DHX33: variants seen among roughly 807,000 people sequenced by gnomAD.
DHX33 encodes the protein DEAH-box helicase 33.
DHX33 carries 42 observed loss-of-function variants against 72.5 expected under a neutral mutation model. The ratio of observed to expected loss-of-function variants is 0.58; its 90% CI spans 0.45 to 0.75. DHX33 has a LOEUF of 0.75. Among genes scored for constraint, DHX33 ranks in the 30% least tolerant of loss-of-function variants. The probability of loss-of-function intolerance (pLI) is 0.00; values close to 1 mark genes in which losing one functional copy is unlikely to be tolerated. For synonymous variants in DHX33, 358 were observed against 366.1 expected (o/e 0.98, Z 0.25); for missense variants, 842 against 917.5 (o/e 0.92, Z 1.06).
chr17:5,446,022 G>A (rs1221765353), intron 11 of DHX33, among the ~76,000 whole-genome samples: 2 of 152,166 alleles, frequency 1.3e-5, no homozygotes, highest in Non-Finnish European at 2.9e-5. Flanking sequence ...TGCCCAGGCT[G>A]GAGTGCAGTG....
intron 1 of DHX33, among the ~76,000 whole-genome samples, chr17:5,468,288 C>A (rs1184650978): frequency 2.0e-5 from 3 of 152,312 alleles, no homozygotes; most frequent in East Asian, 1.9e-4. Context: ...CGGGTCAGAT[C>A]CACTCTTCTA....
intron 4 of DHX33, among the ~76,000 whole-genome samples, chr17:5,458,881 A>G (rs1473278286): frequency 1.3e-5 from 2 of 152,194 alleles, no homozygotes; most frequent in Admixed American, 6.5e-5. Flanking sequence ...AAAACTTTAA[A>G]TCCCATATGC....
intron 1 of DHX33, among the ~76,000 whole-genome samples, chr17:5,467,077 G>C (rs1904904637): frequency 6.6e-6 from 1 of 152,174 alleles, no homozygotes; most frequent in Admixed American, 6.5e-5. Flanking sequence ...AAAAAGCGCT[G>C]CTAAAAAACG....
chr17:5,455,281 G>A lies in DHX33; in HGVS notation c.1036-10C>T, dbSNP rs1276213930. On this transcript the variant is annotated splice_polypyrimidine_tract_variant and intron_variant, in intron 5 of 11. Coordinates refer to ENST00000225296, the MANE Select transcript of DHX33 (RefSeq NM_020162.4). ...TCACTTTGCGATAGCCCTAAAAGGA[G>A]GAAGAAAACCAAAAAGCCGCATTGA... is the stretch of plus-strand genomic sequence containing the variant. 2 of 1,612,066 alleles carry A rather than the reference G, an allele frequency of 1.2e-6. No homozygotes were observed. Among genetic ancestry groups the A allele is most frequent in the Admixed American group, 1.7e-5 (1 of 59,836 alleles).
chr17:5,468,043 CCT>C (rs1051695749), intron 1 of DHX33, among the ~76,000 whole-genome samples: 33 of 152,198 alleles, frequency 2.2e-4, no homozygotes, highest in African/African-American at 8.0e-4. Flanking sequence ...GGGTCTCCTT[CCT>C]CTCTTTGGCT....
chr17:5,463,395 G>A, intron 2 of DHX33, 134 bp downstream of exon 2: 4 of 933,448 alleles, frequency 4.3e-6, no homozygotes, highest in Non-Finnish European at 6.5e-6. Context: ...AGCTGGTAAA[G>A]AACTCTCGGA....
rs139124392 is a variant in DHX33 at position 5,463,735 on chromosome 17, C to T, written c.290-46G>A. The T allele has an allele frequency of 4.6e-6, 7 of 1,537,908 alleles. No individual in the cohort carries two copies. The African/African-American group carries it at 8.4e-5, about 18-fold the overall frequency. On this transcript the variant is annotated intron_variant, in intron 1 of 11. Transcript: ENST00000225296. ...AAAAAAAGGCTCACTGAAATGCAAA[C>T]TGGGGCTCGGCACCAGGGCTGGCAC...
chr17:5,464,712 T>C (rs1435296911), intron 1 of DHX33, among the ~76,000 whole-genome samples: 2 of 152,110 alleles, frequency 1.3e-5, no homozygotes, highest in Non-Finnish European at 2.9e-5. Flanking sequence ...TAAAATAAAA[T>C]ACAACCGTTA....
intron 4 of DHX33, among the ~76,000 whole-genome samples, chr17:5,459,271 G>C (rs1255670299): frequency 6.6e-6 from 1 of 152,016 alleles, no homozygotes; most frequent in Non-Finnish European, 1.5e-5. Context: ...AAGCTAATAG[G>C]AAGGTAAAAA....
At chr17:5,461,630 G>A (rs1453750618) in intron 3 of DHX33, among the ~76,000 whole-genome samples, 1 of 151,520 alleles carries the variant, frequency 6.6e-6, no homozygotes, top group Non-Finnish European at 1.5e-5. Flanking sequence ...AATCAAGACG[G>A]AATTTCAGTC....
At chr17:5,453,271 C>T (rs993754438) in intron 8 of DHX33, among the ~76,000 whole-genome samples, 4 of 152,162 alleles carry the variant, frequency 2.6e-5, no homozygotes, top group Non-Finnish European at 5.9e-5. Flanking sequence ...TGCCTGTGGT[C>T]CCAGCTACTT....
intron 6 of DHX33, among the ~76,000 whole-genome samples, chr17:5,454,782 G>A (rs956156647): frequency 1.3e-5 from 2 of 152,160 alleles, no homozygotes; most frequent in African/African-American, 4.8e-5. Flanking sequence ...AGGAGATCTG[G>A]TTCCTTCCTG....
chr17:5,448,757 T>C, intron 11 of DHX33, 52 bp downstream of exon 11: 1 of 1,434,454 alleles, frequency 7.0e-7, no homozygotes, highest in Non-Finnish European at 9.5e-7. Context: ...AATTTCTACC[T>C]TGAACAAAGT....
chr17:5,454,068 T>C, intron 6 of DHX33, 88 bp from the exon 7 acceptor site: 2 of 1,485,840 alleles, frequency 1.3e-6, no homozygotes, highest in Non-Finnish European at 1.8e-6. Flanking sequence ...CCAGTGGTTC[T>C]TTCAGCAACA....
At chr17:5,463,786 C>T (rs111480725) in intron 1 of DHX33, 97 bp from the exon 2 acceptor site, 41 of 1,251,900 alleles carry the variant, frequency 3.3e-5, no homozygotes, top group African/African-American at 1.2e-4. Context: ...TTTGGGAGGC[C>T]GAGGTAGGAG....
intron 10 of DHX33, among the ~76,000 whole-genome samples, chr17:5,449,356 G>A (rs771879094): frequency 6.6e-6 from 1 of 152,184 alleles, no homozygotes; most frequent in Non-Finnish European, 1.5e-5. Flanking sequence ...CAACGACCCA[G>A]TAGAAAAATG....
chr17:5,451,615 A>G (rs1224622381), intron 8 of DHX33, among the ~76,000 whole-genome samples: 2 of 152,192 alleles, frequency 1.3e-5, no homozygotes, highest in Non-Finnish European at 2.9e-5. Context: ...CTGGGAGACA[A>G]GGGGATGAGA....
chr17:5,467,588 A>G (rs1177469929), intron 1 of DHX33, among the ~76,000 whole-genome samples: 1 of 152,140 alleles, frequency 6.6e-6, no homozygotes, highest in Non-Finnish European at 1.5e-5. Context: ...CCCCGACCAG[A>G]GACATGTTAA....
At chr17:5,454,064 G>C in intron 6 of DHX33, 84 bp from the exon 7 acceptor site, 2 of 1,487,062 alleles carry the variant, frequency 1.3e-6, no homozygotes, top group Non-Finnish European at 1.8e-6. Context: ...CACACCAGTG[G>C]TTCTTTCAGC....
Sources: allele counts gnomAD v4.1 joint callset (sites outside exome capture counted in the v4.1 genomes callset), GRCh38; gene constraint gnomAD v4.1.1; transcripts MANE v1.5; gene names NCBI Gene and HGNC (gene_info 2026-07-23, HGNC 2026-07-21).